LHX6: variants seen among roughly 807,000 people sequenced by gnomAD.
The protein encoded by LHX6 is LIM homeobox 6, also known as LIM/homeobox protein Lhx6.
LHX6 carries 15 observed loss-of-function variants against 47.1 expected under a neutral mutation model. The observed-to-expected ratio is 0.32, with a 90% CI of 0.21 to 0.49. The LOEUF (loss-of-function observed/expected upper bound fraction) is 0.49. LHX6 is among the 20% of genes least tolerant of loss of function. LHX6 has a pLI of 0.99. For synonymous variants in LHX6, 242 were observed against 233.5 expected, an observed-to-expected ratio of 1.04 and a Z score of -0.33; for missense variants, 404 against 539.6, an observed-to-expected ratio of 0.75 and a Z score of 2.49.
rs778691163 is a variant in LHX6, at chr9:122,217,090, G to A, written c.660C>T (p.Asn220=). The change falls in exon 5 of 10, where the codon AAC becomes AAT. Residue 220 remains asparagine (N), a synonymous_variant. Coordinates refer to ENST00000394319, the MANE Select transcript of LHX6 (RefSeq NM_014368.5). This position sits in a 1 kb window ranked among gnomAD's most constrained non-coding sequence, Gnocchi z 4.9. ...CRIHYDTMIE[N]LKRAAENGNG... Reference sequence around the variant, plus strand: ...TACCGTTCTCGGCGGCCCTCTTGAGGTTCTCAATCATGGTGTCGTAGTGGA... The same window carrying A: ...TACCGTTCTCGGCGGCCCTCTTGAGATTCTCAATCATGGTGTCGTAGTGGA... The A allele has an allele frequency of 7.4e-6, 12 of 1,614,056 alleles. No individual in the cohort carries two copies. Among genetic ancestry groups the A allele is most frequent in the Admixed American group, 1.7e-5 (1 of 60,004 alleles).
Position 122,217,009 on chromosome 9 carries a change from G to A in LHX6, c.682+59C>T. ...GTGTGGGTGGTTCCTGGGGTGCTGG[G>A]GTGGGGTGGGGTGGGAAAGGGCTGG... On this transcript the variant is annotated intron_variant, in intron 5 of 9. Transcript: ENST00000394319. This position sits in a 1 kb window ranked among gnomAD's most constrained non-coding sequence, Gnocchi z 4.9. The A allele has an allele frequency of 2.9e-6, 4 of 1,392,320 alleles. No individual in the cohort carries two copies. The highest frequency in any genetic ancestry group is 4.0e-6 in the Non-Finnish European group (4 of 991,452). 86.2% of individuals were successfully genotyped at this position (1,392,320 alleles called of 1,614,324 possible).
At position 122,228,924 on chromosome 9, in the gene LHX6, T is replaced by A; in HGVS notation, c.-184A>T. ...CGCGCGCAGCCCCGGCCTCCCTGGC[T>A]GCTGCCGCCGCTGCCTCGGAAGAAG... On this transcript the variant is annotated 5_prime_UTR_variant, in exon 1 of 10. Transcript: ENST00000394319. 1 of 212,172 alleles carries A rather than the reference T, an allele frequency of 4.7e-6. No homozygotes were observed. The highest frequency in any genetic ancestry group is 8.8e-6 in the Non-Finnish European group (1 of 113,120). 13.1% of individuals were successfully genotyped at this position (212,172 alleles called of 1,614,324 possible).
Position 122,214,175 on chromosome 9 carries a change from C to G in LHX6, c.784-106G>C. 1 of 1,386,250 alleles carries G rather than the reference C, an allele frequency of 7.2e-7. No homozygotes were observed. Among genetic ancestry groups the G allele is most frequent in the Non-Finnish European group, 9.6e-7 (1 of 1,038,592 alleles). 85.9% of individuals were successfully genotyped at this position (1,386,250 alleles called of 1,614,324 possible). A position where few individuals can be genotyped will look rare whatever the true frequency, so the allele number is the denominator to read the frequency against. Reference sequence around the variant, plus strand: ...GCCACGCCCCAGGCAGCTGCGGCCCCGCCCCGCCACCCGGGTCCGGCCCGA... The same window carrying G: ...GCCACGCCCCAGGCAGCTGCGGCCCGGCCCCGCCACCCGGGTCCGGCCCGA... On this transcript the variant is annotated intron_variant, in intron 6 of 9. Coordinates refer to ENST00000394319, the MANE Select transcript of LHX6 (RefSeq NM_014368.5). This position sits in a 1 kb window ranked among gnomAD's most constrained non-coding sequence, Gnocchi z 4.6.
Position 122,227,413 on chromosome 9 carries a change from GC to G in LHX6, c.151del (p.Ala51ProfsTer83). On this transcript the variant is annotated frameshift_variant, in exon 2 of 10. Transcript: ENST00000394319. LOFTEE classifies it high-confidence loss of function. ...GGCAGGGCCAAACGGACTCACCATG[GC>G]GGGCGGCGCGGTCCCTTCAAGACAG... is the stretch of plus-strand genomic sequence containing the variant. Reference protein sequence around the residue: ...TRCLEGTAPPAMAQSDAEALA... With the variant: ...TRCLEGTAPPXMAQSDAEALA... 6.5e-7 allele frequency: 1 copy of G among 1,527,616 alleles called. No individual in the cohort carries two copies. 94.6% of individuals were successfully genotyped at this position (1,527,616 alleles called of 1,614,324 possible).
Position 122,214,350 on chromosome 9 carries a change from G to T in LHX6, c.716C>A (p.Ser239Ter). ...CGGCTTGGGTTGACTGTCCTGTTCC[G>T]AGGGCACTGCCCCCTCCAACGTGAG... is the stretch of plus-strand genomic sequence containing the variant. ...NGLTLEGAVP[S>*]EQDSQPKPAK... The change falls in exon 6 of 10, where the codon TCG (serine) becomes TAG (stop). Residue 239 changes from serine to a stop codon, truncating the protein, a stop_gained. Coordinates refer to ENST00000394319, the MANE Select transcript of LHX6 (RefSeq NM_014368.5). LOFTEE classifies it high-confidence loss of function. The surrounding 1 kb of genome is among the most constrained non-coding windows in gnomAD (Gnocchi z 4.6). 6.3e-7 allele frequency: 1 copy of T among 1,589,964 alleles called. No individual in the cohort carries two copies. Among genetic ancestry groups the T allele is most frequent in the Non-Finnish European group, 8.5e-7 (1 of 1,171,426 alleles).
Position 122,228,679 on chromosome 9 carries a change from T to C in LHX6, c.62A>G (p.Glu21Gly). 1 of 1,285,874 alleles carries C rather than the reference T, an allele frequency of 7.8e-7. No homozygotes were observed. 79.7% of individuals were successfully genotyped at this position (1,285,874 alleles called of 1,614,324 possible). A position where few individuals can be genotyped will look rare whatever the true frequency, so the allele number is the denominator to read the frequency against. The stretch of plus-strand genomic sequence containing the variant: ...CACCTGGTCGGTGGCGGGGCCGCCC[T>C]CGGCCGGCAGCCGGCAGCCCTCGGG... ...ALPEGCRLPA[E>G]GGPATDQVMA... The change falls in exon 1 of 10, where the codon GAG becomes GGG. Residue 21 changes from glutamate to glycine, a missense_variant. Coordinates refer to ENST00000394319, the MANE Select transcript of LHX6 (RefSeq NM_014368.5).
At position 122,212,104 on chromosome 9, in the gene LHX6, G is replaced by A. The variant is rs1408988427; in HGVS notation, c.1054+1502C>T. Among the ~76,000 whole-genome samples the A allele has an allele frequency of 5.3e-5, 8 of 152,128 alleles. No individual in the cohort carries two copies. The South Asian group carries it at 1.0e-3, about 20-fold the overall frequency. ...TCACAAGAGCAGCCAATACTTATGC[G>A]GCACTTGCTGAATGTTGAGGATTTT... On this transcript the variant is annotated intron_variant, in intron 8 of 9. Transcript: ENST00000394319.
At position 122,214,253 on chromosome 9, in the gene LHX6, G is replaced by GC; in HGVS notation, c.783+29dup. On this transcript the variant is annotated intron_variant, in intron 6 of 9. Transcript: ENST00000394319. This position sits in a 1 kb window ranked among gnomAD's most constrained non-coding sequence, Gnocchi z 4.6. ...CCCGCCCACTTTCGGCCCGGCCCCC[G>GC]CCCCCGCCGCCCACTGCTTGCAGCG... 2 of 1,309,608 alleles carry GC rather than the reference G, an allele frequency of 1.5e-6. No individual in the cohort carries two copies. The highest frequency in any genetic ancestry group is 1.0e-6 in the Non-Finnish European group (1 of 997,728). 81.1% of individuals were successfully genotyped at this position (1,309,608 alleles called of 1,614,324 possible). A position where few individuals can be genotyped will look rare whatever the true frequency, so the allele number is the denominator to read the frequency against.
rs1225686323 is a variant in LHX6, at chr9:122,221,302, C to A, written c.462-4014G>T. The A allele has an allele frequency of 3.0e-6, 3 of 985,414 alleles. No homozygotes were observed. The African/African-American group carries it at 5.2e-5, about 17-fold the overall frequency. The allele number at this position is 985,414 out of a possible 1,614,324, so 61.0% of individuals were successfully genotyped here. Reference sequence around the variant, plus strand: ...AGGTCCCGGCCCCGAGGCTCCTCCCCCAGCTCCCCTCTCGGCTCCCCCAAC... The same window carrying A: ...AGGTCCCGGCCCCGAGGCTCCTCCCACAGCTCCCCTCTCGGCTCCCCCAAC... On this transcript the variant is annotated intron_variant, in intron 4 of 9. Coordinates refer to ENST00000394319, the MANE Select transcript of LHX6 (RefSeq NM_014368.5).
intron 8 of LHX6, among the ~76,000 whole-genome samples, chr9:122,210,856 C>T (rs1459020170): frequency 6.6e-6 from 1 of 152,228 alleles, no homozygotes; most frequent in Non-Finnish European, 1.5e-5. Flanking sequence ...AGCCACCACG[C>T]CCAGCCTGAC....
chr9:122,221,499 G>A (rs1830859035), intron 4 of LHX6: 1 of 985,636 alleles, frequency 1.0e-6, no homozygotes, highest in Non-Finnish European at 1.2e-6. Flanking sequence ...AAGGCTAGGG[G>A]CTTGCATGAA....
At chr9:122,218,674 G>C (rs1266192716) in intron 4 of LHX6, among the ~76,000 whole-genome samples, 3 of 151,852 alleles carry the variant, frequency 2.0e-5, no homozygotes, top group Non-Finnish European at 4.4e-5. Flanking sequence ...CTACCCTCAG[G>C]ATCTGGTCCA....
At chr9:122,216,083 T>C (rs374275352) in intron 5 of LHX6, among the ~76,000 whole-genome samples, 5 of 152,282 alleles carry the variant, frequency 3.3e-5, no homozygotes, top group East Asian at 1.9e-4. Context: ...GGTATGGTAG[T>C]TAAGAGGCTG....
chr9:122,228,443 G>A, intron 1 of LHX6: 10 of 1,446,868 alleles, frequency 6.9e-6, no homozygotes, highest in Non-Finnish European at 9.0e-6. Context: ...CGCTTTTTGA[G>A]AAATTCCTCC....
chr9:122,211,192 G>A (rs1197339688), intron 8 of LHX6, among the ~76,000 whole-genome samples: 1 of 152,134 alleles, frequency 6.6e-6, no homozygotes, highest in African/African-American at 2.4e-5. Flanking sequence ...TTGGTCACAG[G>A]GAAAGGGCAT....
At chr9:122,228,317 T>G (rs1243933033) in intron 1 of LHX6, 6 of 1,534,472 alleles carry the variant, frequency 3.9e-6, no homozygotes, top group East Asian at 4.9e-5. Flanking sequence ...CGGCCCCGCG[T>G]CGGGATTCTC....
At chr9:122,223,298 G>A (rs1359122031) in intron 4 of LHX6, among the ~76,000 whole-genome samples, 4 of 152,146 alleles carry the variant, frequency 2.6e-5, no homozygotes, top group African/African-American at 9.7e-5. Flanking sequence ...CAGAAATCTG[G>A]TTTAGTTTTG....
Position 122,226,282 on chromosome 9 carries a change from T to G in LHX6, c.461+94A>C. The G allele has an allele frequency of 1.4e-6, 2 of 1,467,188 alleles. No homozygotes were observed. The highest frequency in any genetic ancestry group is 1.8e-6 in the Non-Finnish European group (2 of 1,096,718). 90.9% of individuals were successfully genotyped at this position (1,467,188 alleles called of 1,614,324 possible). On this transcript the variant is annotated intron_variant, in intron 4 of 9. Transcript: ENST00000394319. This position sits in a 1 kb window ranked among gnomAD's most constrained non-coding sequence, Gnocchi z 6.5. Reference sequence around the variant, plus strand: ...CGGAAGTGCACTCGGGACGCCGGGGTTCTGGAGGAGAGACCACACGCCGCA... The same window carrying G: ...CGGAAGTGCACTCGGGACGCCGGGGGTCTGGAGGAGAGACCACACGCCGCA...
chr9:122,210,826 G>A (rs1401906529), intron 8 of LHX6, among the ~76,000 whole-genome samples: 1 of 152,158 alleles, frequency 6.6e-6, no homozygotes, highest in African/African-American at 2.4e-5. Context: ...GCCTCCCAAA[G>A]TGCTGGGATT....
Sources: gnomAD v4.1 joint callset for allele counts (sites outside exome capture counted in the v4.1 genomes callset) on GRCh38, gnomAD v4.1.1 for gene constraint, Gnocchi (gnomAD v3.1) non-coding constraint, MANE v1.5 for transcripts, NCBI Gene and HGNC (gene_info 2026-07-23, HGNC 2026-07-21) for gene names.